DNM1: variants seen among roughly 807,000 people sequenced by gnomAD.
DNM1 encodes dynamin 1.
A neutral mutation model predicts 104.6 loss-of-function variants in DNM1; 29 were observed. That is an observed-to-expected ratio of 0.28 (90% CI 0.21 to 0.38). The LOEUF (loss-of-function observed/expected upper bound fraction) is 0.38. DNM1 is among the 10% of genes least tolerant of loss of function. DNM1 has a pLI of 1.00. For synonymous variants in DNM1, 445 were observed against 475.8 expected (o/e 0.94, Z 0.84); for missense variants, 640 against 1,189.4 (o/e 0.54, Z 6.79).
intron 1 of DNM1, among the ~76,000 whole-genome samples, chr9:128,205,739 C>T (rs934933206): frequency 3.3e-5 from 5 of 152,098 alleles, no homozygotes; most frequent in Non-Finnish European, 7.4e-5. Flanking sequence ...GCGCTGATAG[C>T]CAATTAGGCT....
intron 19 of DNM1, among the ~76,000 whole-genome samples, chr9:128,249,510 G>A (rs1416323585): frequency 6.6e-6 from 1 of 152,070 alleles, no homozygotes; most frequent in Non-Finnish European, 1.5e-5. Context: ...TACAAAATTA[G>A]CCGGGCGTGG....
rs370377161 is a variant in DNM1 at position 128,224,948 on chromosome 9, G to C, written c.1335+559G>C. On this transcript the variant is annotated intron_variant, in intron 10 of 21. Coordinates refer to ENST00000372923, the MANE Select transcript of DNM1 (RefSeq NM_004408.4). The surrounding 1 kb of genome is among the most constrained non-coding windows in gnomAD (Gnocchi z 4.3). ...ATGCTCACGTAAGACCCTCACTCAG[G>C]GCCTCTCCCTCCCTTCCATCCACAT... Among the ~76,000 whole-genome samples the C allele has an allele frequency of 1.3e-5, 2 of 151,992 alleles. No homozygotes were observed. The highest frequency in any genetic ancestry group is 2.9e-5 in the Non-Finnish European group (2 of 67,976).
Position 128,250,164 on chromosome 9 carries a change from G to C in DNM1, c.2126G>C (p.Gly709Ala). ...SELLANLYSC[G>A]DQNTLMEESA... ...CTGCTGGCCAACCTGTACTCGTGTG[G>C]GGACCAGAACACGCTGATGGAGGAG... The change falls in exon 20 of 22, where the codon GGG becomes GCG. Residue 709 changes from glycine (G) to alanine (A), a missense_variant. By Grantham distance (60) the Gly-to-Ala change is moderately conservative (BLOSUM62 0). Around this residue, in one of 7 missense-constraint regions of DNM1, gnomAD observed 129 missense variants for 224.6 expected, o/e 0.57. Coordinates refer to ENST00000372923, the MANE Select transcript of DNM1 (RefSeq NM_004408.4). The C allele has an allele frequency of 6.2e-7, 1 of 1,614,200 alleles. No homozygotes were observed. The highest frequency in any genetic ancestry group is 8.5e-7 in the Non-Finnish European group (1 of 1,180,032).
chr9:128,218,801 T>G lies in DNM1; in HGVS notation c.385+70T>G. The G allele has an allele frequency of 6.7e-7, 1 of 1,500,958 alleles. No individual in the cohort carries two copies. The allele number at this position is 1,500,958 out of a possible 1,614,324, so 93.0% of individuals were successfully genotyped here. A position where few individuals can be genotyped will look rare whatever the true frequency, so the allele number is the denominator to read the frequency against. On this transcript the variant is annotated intron_variant, in intron 3 of 21. Coordinates refer to ENST00000372923, the MANE Select transcript of DNM1 (RefSeq NM_004408.4). The surrounding 1 kb of genome is among the most constrained non-coding windows in gnomAD (Gnocchi z 4.8). ...GGCCACGCACCTCTGCGTGCCTCGC[T>G]CCTCCTGCAGACTCCGCCCCTAGAA... is the stretch of plus-strand genomic sequence containing the variant.
At chr9:128,252,909 C>T in intron 21 of DNM1, 1 of 692,816 alleles carries the variant, frequency 1.4e-6, no homozygotes, top group Non-Finnish European at 2.6e-6. Flanking sequence ...GGGTGCTGGG[C>T]ACTGGGAGGT....
rs553611277 is a variant in DNM1, at chr9:128,248,845, A to C, written c.2076+92A>C. ...CCTGGGGGAGATGCCAACCAGCCCT[A>C]TGGGACCAGGTCCAGGGAGGGAGGC... is the stretch of plus-strand genomic sequence containing the variant. On this transcript the variant is annotated intron_variant, in intron 19 of 21. Transcript: ENST00000372923. This position sits in a 1 kb window ranked among gnomAD's most constrained non-coding sequence, Gnocchi z 5.6. The C allele has an allele frequency of 4.9e-6, 7 of 1,421,174 alleles. No individual in the cohort carries two copies. Among genetic ancestry groups the C allele is most frequent in the South Asian group, 2.5e-5 (2 of 79,310 alleles). The allele number at this position is 1,421,174 out of a possible 1,614,324, so 88.0% of individuals were successfully genotyped here. A position where few individuals can be genotyped will look rare whatever the true frequency, so the allele number is the denominator to read the frequency against.
rs1834901446 is a variant in DNM1, at chr9:128,220,736, CGCGCGCGT to C, written c.849+397_849+404del. On this transcript the variant is annotated intron_variant, in intron 6 of 21. Coordinates refer to ENST00000372923, the MANE Select transcript of DNM1 (RefSeq NM_004408.4). This position sits in a 1 kb window ranked among gnomAD's most constrained non-coding sequence, Gnocchi z 5.2. ...GGCATCCAGAACTGAAGTGCGCGCG[CGCGCGCGT>C]GTGTGTGTGTGTGTGTGTGTGTGTC... 2.9e-5 allele frequency among the ~76,000 whole-genome samples: 3 copies of C among 102,164 alleles called. No individual in the cohort carries two copies. Among genetic ancestry groups the C allele is most frequent in the Non-Finnish European group, 5.7e-5 (3 of 52,710 alleles). 67.0% of individuals were successfully genotyped at this position (102,164 alleles called of 152,430 possible).
chr9:128,220,436 T>C lies in DNM1; in HGVS notation c.849+95T>C. The C allele has an allele frequency of 6.8e-7, 1 of 1,477,168 alleles. No homozygotes were observed. The highest frequency in any genetic ancestry group is 9.2e-7 in the Non-Finnish European group (1 of 1,088,948). The allele number at this position is 1,477,168 out of a possible 1,614,324, so 91.5% of individuals were successfully genotyped here. A position where few individuals can be genotyped will look rare whatever the true frequency, so the allele number is the denominator to read the frequency against. ...AGAGTGAACAGCAGAGGTTAGCCTC[T>C]CCGTAGTGCAGATAGACAAACTGAG... On this transcript the variant is annotated intron_variant, in intron 6 of 21. Transcript: ENST00000372923. The surrounding 1 kb of genome is among the most constrained non-coding windows in gnomAD (Gnocchi z 5.2).
Position 128,253,768 on chromosome 9 carries a change from C to T in DNM1, c.2535-886C>T, listed in dbSNP as rs1256134216. 1 of 422,348 alleles carries T rather than the reference C, an allele frequency of 2.4e-6. No individual in the cohort carries two copies. The highest frequency in any genetic ancestry group is 3.9e-6 in the Non-Finnish European group (1 of 256,412). 26.2% of individuals were successfully genotyped at this position (422,348 alleles called of 1,614,324 possible). On this transcript the variant is annotated intron_variant, in intron 21 of 21. Coordinates refer to ENST00000372923, the MANE Select transcript of DNM1 (RefSeq NM_004408.4). The surrounding 1 kb of genome is among the most constrained non-coding windows in gnomAD (Gnocchi z 5.9). ...CAGGCCAGGCAGGGACACACAGCCC[C>T]CTTCCCTCCCTCCCAGGTACCGTCA...
intron 10 of DNM1, among the ~76,000 whole-genome samples, chr9:128,228,977 C>T (rs1835500876): frequency 1.4e-5 from 2 of 146,398 alleles, no homozygotes; most frequent in Admixed American, 1.4e-4. Context: ...AGCCAGACTC[C>T]ATCTCAAAAA....
In DNM1 at chr9:128,247,509, G is replaced by A; in HGVS notation, c.1893+23G>A. ...GGGGTGAGTGGCAGGGCAAGGAGAG[G>A]AAGGGCAAGCATGATCCTAGGGCCC... is the stretch of plus-strand genomic sequence containing the variant. On this transcript the variant is annotated intron_variant, in intron 17 of 21. Coordinates refer to ENST00000372923, the MANE Select transcript of DNM1 (RefSeq NM_004408.4). The surrounding 1 kb of genome is among the most constrained non-coding windows in gnomAD (Gnocchi z 5.1). 1 of 1,568,430 alleles carries A rather than the reference G, an allele frequency of 6.4e-7. No homozygotes were observed. Among genetic ancestry groups the A allele is most frequent in the Non-Finnish European group, 8.8e-7 (1 of 1,142,706 alleles).
Position 128,246,200 on chromosome 9 carries a change from A to G in DNM1, c.1672-194A>G, listed in dbSNP as rs3003617. ...CCCCCGGCATATATGCAGAGCTGGT[A>G]GGACTGGCTCTGCGGGGGTCGGCGG... On this transcript the variant is annotated intron_variant, in intron 15 of 21. Coordinates refer to ENST00000372923, the MANE Select transcript of DNM1 (RefSeq NM_004408.4). Among the ~76,000 whole-genome samples, 151,218 of 152,256 alleles carry G rather than the reference A, an allele frequency of 0.99. 75,102 individuals carry two copies. The highest frequency in any genetic ancestry group is 1 in the East Asian group (5,160 of 5,160).
intron 15 of DNM1, chr9:128,244,925 A>G: frequency 2.8e-6 from 1 of 351,492 alleles, no homozygotes; most frequent in Non-Finnish European, 6.2e-6. Context: ...GTGTCCCCCT[A>G]GCCCCAGACC....
intron 1 of DNM1, among the ~76,000 whole-genome samples, chr9:128,210,067 A>G (rs964276365): frequency 2.6e-5 from 4 of 151,324 alleles, no homozygotes; most frequent in Admixed American, 6.6e-5. Context: ...GTTTTGTAAG[A>G]CAGGATCTCA....
rs567148798 is a variant in DNM1 at position 128,245,263 on chromosome 9, C to T, written c.1672-1131C>T. Among the ~76,000 whole-genome samples, 96 of 147,202 alleles carry T rather than the reference C, an allele frequency of 6.5e-4. No individual in the cohort carries two copies. Among genetic ancestry groups the T allele is most frequent in the Middle Eastern group, 3.5e-3 (1 of 286 alleles). Reference sequence around the variant, plus strand: ...TATGTGGCTGCATGGGCCAGGGGGGCGTTGGGGGCAGAGAGGGGTGGGCGG... The same window carrying T: ...TATGTGGCTGCATGGGCCAGGGGGGTGTTGGGGGCAGAGAGGGGTGGGCGG... On this transcript the variant is annotated intron_variant, in intron 15 of 21. Transcript: ENST00000372923. The surrounding 1 kb of genome is among the most constrained non-coding windows in gnomAD (Gnocchi z 5.2).
At position 128,248,455 on chromosome 9, in the gene DNM1, A is replaced by G. The variant is rs1464238890; in HGVS notation, c.1906-128A>G. ...CACAGGGATGCGGAGCCAGGTATGT[A>G]TTCAGGCCAGTCGCTTCTCTCTGTG... On this transcript the variant is annotated intron_variant, in intron 18 of 21. Coordinates refer to ENST00000372923, the MANE Select transcript of DNM1 (RefSeq NM_004408.4). The surrounding 1 kb of genome is among the most constrained non-coding windows in gnomAD (Gnocchi z 5.6). The G allele has an allele frequency of 1.9e-6, 2 of 1,079,138 alleles. No homozygotes were observed. The highest frequency in any genetic ancestry group is 4.9e-5 in the Admixed American group (2 of 40,562). 66.8% of individuals were successfully genotyped at this position (1,079,138 alleles called of 1,614,324 possible).
At chr9:128,249,649 T>C (rs1829389609) in intron 19 of DNM1, among the ~76,000 whole-genome samples, 1 of 139,368 alleles carries the variant, frequency 7.2e-6, no homozygotes. Flanking sequence ...AGAGTGAAAC[T>C]CCGTCTCAAA....
In DNM1 at chr9:128,222,875, C is replaced by G; in HGVS notation, c.1196+15C>G. The G allele has an allele frequency of 1.2e-6, 2 of 1,613,700 alleles. No homozygotes were observed. Among genetic ancestry groups the G allele is most frequent in the Non-Finnish European group, 1.7e-6 (2 of 1,179,810 alleles). On this transcript the variant is annotated intron_variant, in intron 9 of 21. Coordinates refer to ENST00000372923, the MANE Select transcript of DNM1 (RefSeq NM_004408.4). The surrounding 1 kb of genome is among the most constrained non-coding windows in gnomAD (Gnocchi z 7.8). ...CATGGCATTAGGCACGTATTGGGGCCTGGGAGGGTGGCTGAACCCCAGAAG... is the reference window on the plus strand; with the variant it reads ...CATGGCATTAGGCACGTATTGGGGCGTGGGAGGGTGGCTGAACCCCAGAAG...
rs777769513 is a variant in DNM1 at position 128,253,717 on chromosome 9, A to C, written c.2535-937A>C. 70 of 305,676 alleles carry C rather than the reference A, an allele frequency of 2.3e-4. No individual in the cohort carries two copies. The highest frequency in any genetic ancestry group is 1.5e-4 in the Admixed American group (3 of 20,038). The allele number at this position is 305,676 out of a possible 1,614,324, so 18.9% of individuals were successfully genotyped here. A position where few individuals can be genotyped will look rare whatever the true frequency, so the allele number is the denominator to read the frequency against. ...GGGTAAAAGCTTGAGAGTCCCATAC[A>C]CACGGTCATCCCACGACATACCTCA... On this transcript the variant is annotated intron_variant, in intron 21 of 21. Transcript: ENST00000372923. This position sits in a 1 kb window ranked among gnomAD's most constrained non-coding sequence, Gnocchi z 5.9.
Sources: allele counts gnomAD v4.1 joint callset (sites outside exome capture counted in the v4.1 genomes callset), GRCh38; gene constraint gnomAD v4.1.1; regional missense constraint gnomAD v4.1.1; non-coding constraint Gnocchi (gnomAD v3.1); transcripts MANE v1.5; gene names NCBI Gene and HGNC (gene_info 2026-07-23, HGNC 2026-07-21).